The following CRTAC1 variants were observed in gnomAD, a reference collection of about 807,000 sequenced individuals.
CRTAC1 encodes the protein acidic secreted protein in cartilage.
CRTAC1 carries 37 observed loss-of-function variants against 67.8 expected under a neutral mutation model. The observed-to-expected ratio is 0.55, with a 90% CI of 0.42 to 0.72. CRTAC1 has a LOEUF of 0.72. Ranked by LOEUF, CRTAC1 falls within the 30% of genes least tolerant of loss-of-function variation. CRTAC1 has a pLI of 0.00. For synonymous variants in CRTAC1, 348 were observed against 371.0 expected, an observed-to-expected ratio of 0.94 and a Z score of 0.71; for missense variants, 780 against 931.6, an observed-to-expected ratio of 0.84 and a Z score of 2.12.
chr10:97,936,399 G>T (rs1414960968), intron 2 of CRTAC1, 33 bp from the exon 3 acceptor site: 7 of 1,562,038 alleles, frequency 4.5e-6, no homozygotes, highest in Non-Finnish European at 6.1e-6. Context: ...ATGCTGGGGA[G>T]GAGCCGCTGG....
chr10:97,897,018 T>C, intron 8 of CRTAC1, 27 bp from the exon 9 acceptor site: 1 of 1,527,476 alleles, frequency 6.5e-7, no homozygotes, highest in Non-Finnish European at 8.9e-7. Context: ...AGGCTTGCTC[T>C]GGTGGGGTCT....
chr10:97,977,503 C>T (rs1349553371), intron 2 of CRTAC1, among the ~76,000 whole-genome samples: 1 of 148,970 alleles, frequency 6.7e-6, no homozygotes, highest in East Asian at 1.9e-4. Context: ...GTGGCTACTG[C>T]AATGATGTTC....
At chr10:98,014,440 A>G (rs1349068879) in intron 1 of CRTAC1, among the ~76,000 whole-genome samples, 1 of 152,250 alleles carries the variant, frequency 6.6e-6, no homozygotes, top group African/African-American at 2.4e-5. Context: ...AGCACAGGCA[A>G]CAAAAGAAAA....
At chr10:97,907,081 C>A (rs526745) in intron 6 of CRTAC1, among the ~76,000 whole-genome samples, 1 of 152,092 alleles carries the variant, frequency 6.6e-6, no homozygotes, top group Non-Finnish European at 1.5e-5. Flanking sequence ...TCCGAAAACT[C>A]GCAGGAAGTG....
chr10:97,945,807 T>A (rs1396761929), intron 2 of CRTAC1, among the ~76,000 whole-genome samples: 1 of 152,204 alleles, frequency 6.6e-6, no homozygotes, highest in Non-Finnish European at 1.5e-5. Flanking sequence ...AAGGGGCAGA[T>A]GGTTTTTCAA....
rs929801184 is a variant in CRTAC1 at position 98,030,368 on chromosome 10, T to G, written c.24+81A>C. On this transcript the variant is annotated intron_variant, in intron 1 of 14. Transcript: ENST00000370597. This position sits in a 1 kb window ranked among gnomAD's most constrained non-coding sequence, Gnocchi z 4.2. Reference sequence around the variant, plus strand: ...TCCCGGGCGGCGTCCCCGCCACCCTTGCGGGCGGATCCGGGGGGGCGCGCA... The same window carrying G: ...TCCCGGGCGGCGTCCCCGCCACCCTGGCGGGCGGATCCGGGGGGGCGCGCA... The G allele has an allele frequency of 2.2e-6, 2 of 929,580 alleles. No homozygotes were observed. The highest frequency in any genetic ancestry group is 1.7e-5 in the African/African-American group (1 of 58,530). The allele number at this position is 929,580 out of a possible 1,614,324, so 57.6% of individuals were successfully genotyped here. A position where few individuals can be genotyped will look rare whatever the true frequency, so the allele number is the denominator to read the frequency against.
At chr10:97,984,596 T>A (rs1404741262) in intron 2 of CRTAC1, among the ~76,000 whole-genome samples, 1 of 152,192 alleles carries the variant, frequency 6.6e-6, no homozygotes, top group Non-Finnish European at 1.5e-5. Flanking sequence ...GGTTACAGGG[T>A]CTGGTGTTCT....
At chr10:97,917,359 A>G in intron 5 of CRTAC1, 141 bp downstream of exon 5, 1 of 542,936 alleles carries the variant, frequency 1.8e-6, no homozygotes, top group Non-Finnish European at 2.9e-6. Flanking sequence ...GCAGGATGGA[A>G]TGGAGCCTTC....
chr10:97,895,828 C>T lies in CRTAC1; in HGVS notation c.1317+57G>A. 6.8e-7 allele frequency: 1 copy of T among 1,471,260 alleles called. No homozygotes were observed. Among genetic ancestry groups the T allele is most frequent in the Non-Finnish European group, 9.5e-7 (1 of 1,055,674 alleles). The allele number at this position is 1,471,260 out of a possible 1,614,324, so 91.1% of individuals were successfully genotyped here. On this transcript the variant is annotated intron_variant, in intron 10 of 14. Coordinates refer to ENST00000370597, the MANE Select transcript of CRTAC1 (RefSeq NM_018058.7). The surrounding 1 kb of genome is among the most constrained non-coding windows in gnomAD (Gnocchi z 4.2). ...CCCCGGCACCTTGCCCTCACCAACT[C>T]AAGGTACCCGAGAGCACACAGGGCT...
chr10:98,029,488 A>AGCGGCGGCGGCGGCGGCG lies in CRTAC1; in HGVS notation c.24+960_24+961insCGCCGCCGCCGCCGCCGC, dbSNP rs796585183. Among the ~76,000 whole-genome samples, 20 of 122,728 alleles carry AGCGGCGGCGGCGGCGGCG rather than the reference A, an allele frequency of 1.6e-4. No individual in the cohort carries two copies. Among genetic ancestry groups the AGCGGCGGCGGCGGCGGCG allele is most frequent in the Non-Finnish European group, 2.8e-4 (16 of 56,490 alleles). The allele number at this position is 122,728 out of a possible 152,430, so 80.5% of individuals were successfully genotyped here. A position where few individuals can be genotyped will look rare whatever the true frequency, so the allele number is the denominator to read the frequency against. ...CACACTGGGTGCACCCACCAGCAGC[A>AGCGGCGGCGGCGGCGGCG]GCAGCGGCGGCGGCGGCGGCGGCGG... On this transcript the variant is annotated intron_variant, in intron 1 of 14. Coordinates refer to ENST00000370597, the MANE Select transcript of CRTAC1 (RefSeq NM_018058.7). The surrounding 1 kb of genome is among the most constrained non-coding windows in gnomAD (Gnocchi z 4.7).
Position 97,975,520 on chromosome 10 carries a change from A to G in CRTAC1, c.224+35618T>C, listed in dbSNP as rs990171690. Among the ~76,000 whole-genome samples the G allele has an allele frequency of 5.9e-5, 9 of 152,146 alleles. No individual in the cohort carries two copies. Among genetic ancestry groups the G allele is most frequent in the African/African-American group, 2.2e-4 (9 of 41,432 alleles). On this transcript the variant is annotated intron_variant, in intron 2 of 14. Coordinates refer to ENST00000370597, the MANE Select transcript of CRTAC1 (RefSeq NM_018058.7). The surrounding 1 kb of genome is among the most constrained non-coding windows in gnomAD (Gnocchi z 4.8). ...CTTGGCATCCAAGAGCAGAAAGAGG[A>G]TTACCCTGTCGGCATTTTGGCCCAG...
At chr10:97,988,857 G>A (rs2052027935) in intron 2 of CRTAC1, among the ~76,000 whole-genome samples, 2 of 152,246 alleles carry the variant, frequency 1.3e-5, no homozygotes, top group Non-Finnish European at 2.9e-5. Context: ...GTCAATTTGA[G>A]TAGGCCACAG....
intron 11 of CRTAC1, among the ~76,000 whole-genome samples, chr10:97,894,764 A>G (rs1407028225): frequency 2.0e-5 from 2 of 102,388 alleles, no homozygotes; most frequent in East Asian, 3.3e-4. Context: ...ATATATATAT[A>G]TGATAGGATT....
chr10:97,966,412 ATTTTCT>A (rs2051617023), intron 2 of CRTAC1, among the ~76,000 whole-genome samples: 1 of 152,110 alleles, frequency 6.6e-6, no homozygotes, highest in Non-Finnish European at 1.5e-5. Context: ...GTCCAGTCTG[ATTTTCT>A]TTTTTAAGTG....
At chr10:97,898,161 A>G (rs2050486575) in intron 8 of CRTAC1, among the ~76,000 whole-genome samples, 1 of 152,160 alleles carries the variant, frequency 6.6e-6, no homozygotes, top group African/African-American at 2.4e-5. Flanking sequence ...AATCAATTCC[A>G]CTGTATTTCT....
At chr10:97,954,235 C>T (rs1490464089) in intron 2 of CRTAC1, among the ~76,000 whole-genome samples, 1 of 152,168 alleles carries the variant, frequency 6.6e-6, no homozygotes, top group African/African-American at 2.4e-5. Context: ...GCAAGAACAG[C>T]ATCTAGGAGG....
intron 6 of CRTAC1, among the ~76,000 whole-genome samples, chr10:97,905,961 T>A (rs1380591728): frequency 6.6e-6 from 1 of 152,066 alleles, no homozygotes; most frequent in East Asian, 1.9e-4. Flanking sequence ...CAGAGGTGAA[T>A]GCGACTCTAA....
chr10:97,987,755 G>A (rs531463321), intron 2 of CRTAC1, among the ~76,000 whole-genome samples: 8 of 152,320 alleles, frequency 5.3e-5, no homozygotes, highest in Non-Finnish European at 7.3e-5. Flanking sequence ...TGTCTCTAGC[G>A]CTGAATACAC....
chr10:98,003,436 T>C (rs1161124197), intron 2 of CRTAC1, among the ~76,000 whole-genome samples: 1 of 152,224 alleles, frequency 6.6e-6, no homozygotes, highest in Admixed American at 6.5e-5. Context: ...ATCTGTTTCC[T>C]TGCCTTTTCC....
Sources: allele counts gnomAD v4.1 joint callset (sites outside exome capture counted in the v4.1 genomes callset), GRCh38; gene constraint gnomAD v4.1.1; non-coding constraint Gnocchi (gnomAD v3.1); transcripts MANE v1.5; gene names NCBI Gene and HGNC (gene_info 2026-07-23, HGNC 2026-07-21).